Variants in RGS6 observed in about 807,000 individuals in gnomAD.
RGS6 encodes the protein regulator of G-protein signaling 6.
Under a neutral mutation model 78.5 loss-of-function variants are expected in RGS6, and 30 were observed. The ratio of observed to expected loss-of-function variants is 0.38; its 90% CI spans 0.29 to 0.52. The LOEUF is 0.52. Among genes scored for constraint, RGS6 ranks in the 20% least tolerant of loss-of-function variants. The pLI is 0.85. For synonymous variants in RGS6, 206 were observed against 206.0 expected (o/e 1.00, Z 0.00); for missense variants, 495 against 609.7 (o/e 0.81, Z 1.98).
At chr14:72,505,346 G>A (rs2096785749) in intron 13 of RGS6, among the ~76,000 whole-genome samples, 1 of 152,186 alleles carries the variant, frequency 6.6e-6, no homozygotes, top group South Asian at 2.1e-4. Flanking sequence ...CTGCTTTCTA[G>A]TTCATAGATG....
chr14:72,433,829 AG>A (rs34727329), intron 3 of RGS6, among the ~76,000 whole-genome samples: 1 of 152,164 alleles, frequency 6.6e-6, no homozygotes, highest in East Asian at 1.9e-4. Context: ...TAATCTGAAA[AG>A]GGGGGGATGA....
intron 2 of RGS6, among the ~76,000 whole-genome samples, chr14:71,996,578 A>G (rs1014561892): frequency 1.4e-4 from 22 of 152,152 alleles, no homozygotes; most frequent in African/African-American, 5.1e-4. Flanking sequence ...ACTTGTCATT[A>G]TTGATCTAAT....
At chr14:72,332,822 A>T (rs1204928494) in intron 2 of RGS6, among the ~76,000 whole-genome samples, 1 of 152,212 alleles carries the variant, frequency 6.6e-6, no homozygotes, top group Non-Finnish European at 1.5e-5. Context: ...TATATCTCCC[A>T]GGGAGATGGG....
intron 2 of RGS6, among the ~76,000 whole-genome samples, chr14:72,148,082 G>C (rs930508563): frequency 6.9e-6 from 1 of 144,084 alleles, no homozygotes; most frequent in African/African-American, 2.6e-5. Context: ...AGTGAGCCGA[G>C]ATTGCACCAC....
intron 2 of RGS6, among the ~76,000 whole-genome samples, chr14:72,340,487 T>G (rs1196781488): frequency 1.3e-5 from 2 of 152,076 alleles, no homozygotes; most frequent in African/African-American, 4.8e-5. Flanking sequence ...AGGGTAGTGG[T>G]CATCGTGCAA....
rs1783422894 is a variant in RGS6, at chr14:71,944,795, A to AGGT, written c.-21+11856_-21+11858dup. ...GATACATTTGGAGAAATGTATCATT[A>AGGT]GGTGATTTTGTTGTTGTGTGAACAC... On this transcript the variant is annotated intron_variant, in intron 1 of 17. Coordinates refer to ENST00000553525, the MANE Select transcript of RGS6 (RefSeq NM_001204424.2). 2.0e-5 allele frequency among the ~76,000 whole-genome samples: 3 copies of AGGT among 152,284 alleles called. No individual in the cohort carries two copies. The East Asian group carries it at 5.8e-4, about 29-fold the overall frequency.
intron 1 of RGS6, among the ~76,000 whole-genome samples, chr14:71,935,372 T>C (rs2152931831): frequency 6.6e-6 from 1 of 152,330 alleles, no homozygotes; most frequent in Middle Eastern, 3.4e-3. Flanking sequence ...CTTCCAAATA[T>C]TATTCTAGTC....
At chr14:72,323,687 A>G (rs1238146124) in intron 2 of RGS6, among the ~76,000 whole-genome samples, 1 of 151,316 alleles carries the variant, frequency 6.6e-6, no homozygotes, top group African/African-American at 2.4e-5. Flanking sequence ...CTGTAATCCC[A>G]GCTACTTGGG....
chr14:72,462,291 C>T (rs1004862228), intron 6 of RGS6, among the ~76,000 whole-genome samples: 3 of 152,070 alleles, frequency 2.0e-5, no homozygotes, highest in Non-Finnish European at 4.4e-5. Context: ...TGATGAATGA[C>T]TGAGAAGGCT....
chr14:72,265,969 G>A (rs1280487083), intron 2 of RGS6, among the ~76,000 whole-genome samples: 3 of 151,280 alleles, frequency 2.0e-5, no homozygotes, highest in African/African-American at 7.3e-5. Flanking sequence ...GGTGGGAGGT[G>A]TACAGCTCCT....
At chr14:72,130,017 A>AGTGG (rs1157056092) in intron 2 of RGS6, among the ~76,000 whole-genome samples, 1 of 152,184 alleles carries the variant, frequency 6.6e-6, no homozygotes, top group Non-Finnish European at 1.5e-5. Flanking sequence ...GCCAGCTGAA[A>AGTGG]GTGGAATATG....
At chr14:72,409,930 A>G (rs975925108) in intron 3 of RGS6, among the ~76,000 whole-genome samples, 15 of 152,150 alleles carry the variant, frequency 9.9e-5, no homozygotes, top group African/African-American at 3.6e-4. Flanking sequence ...TCCATGTTGT[A>G]TATGTGCCAC....
chr14:72,061,684 A>C (rs1463523347), intron 2 of RGS6, among the ~76,000 whole-genome samples: 1 of 152,180 alleles, frequency 6.6e-6, no homozygotes, highest in Non-Finnish European at 1.5e-5. Flanking sequence ...AAAAAGACCA[A>C]TTATGAGTTA....
intron 2 of RGS6, among the ~76,000 whole-genome samples, chr14:72,247,837 G>A (rs543520334): frequency 6.6e-6 from 1 of 152,088 alleles, no homozygotes; most frequent in African/African-American, 2.4e-5. Context: ...TTCACTGTGG[G>A]ATAACACAAC....
intron 3 of RGS6, among the ~76,000 whole-genome samples, chr14:72,392,252 C>G (rs1217741909): frequency 6.6e-6 from 1 of 151,964 alleles, no homozygotes; most frequent in African/African-American, 2.4e-5. Context: ...GGTTAAGCAG[C>G]CTCTGTGAGG....
intron 8 of RGS6, 47 bp from the exon 9 acceptor site, chr14:72,472,825 A>G (rs1296726076): frequency 2.1e-6 from 3 of 1,420,778 alleles, no homozygotes; most frequent in Non-Finnish European, 2.9e-6. Context: ...CAGAAGGGAA[A>G]ACAGAATACA....
the RGS6 span, among the ~76,000 whole-genome samples, chr14:72,584,220 A>G: frequency 6.6e-6 from 1 of 152,178 alleles, no homozygotes; most frequent in African/African-American, 2.4e-5. Context: ...CAAATCACAG[A>G]TTCACTTAGC....
the RGS6 span, among the ~76,000 whole-genome samples, chr14:72,590,096 A>G: frequency 3.3e-5 from 5 of 152,228 alleles, no homozygotes; most frequent in Admixed American, 1.3e-4. Context: ...GGATCCCACT[A>G]CACACCCACT....
Position 71,982,247 on chromosome 14 carries a change from C to T in RGS6, c.84+17372C>T, listed in dbSNP as rs2153132179. ...TGGAAATGCAGAAATCACCCGTCTT[C>T]TGCGTCGCTCAGGCTGGGAGCTGTA... On this transcript the variant is annotated intron_variant, in intron 2 of 17. Transcript: ENST00000553525. 2.0e-5 allele frequency among the ~76,000 whole-genome samples: 3 copies of T among 152,314 alleles called. No individual in the cohort carries two copies. In the South Asian group the frequency reaches 6.2e-4, roughly 32 times the overall value.
Sources: gnomAD v4.1 joint callset for allele counts (sites outside exome capture counted in the v4.1 genomes callset) on GRCh38, gnomAD v4.1.1 for gene constraint, MANE v1.5 for transcripts, NCBI Gene and HGNC (gene_info 2026-07-23, HGNC 2026-07-21) for gene names.